Variants in SPIRE1 observed in about 807,000 individuals in gnomAD.
SPIRE1 encodes the protein protein spire homolog 1.
In SPIRE1, 40 loss-of-function variants were observed where a neutral mutation model predicts 94.1. That is an observed-to-expected ratio of 0.43 (90% confidence interval 0.33 to 0.55). The LOEUF is 0.55. Among genes scored for constraint, SPIRE1 ranks in the 20% least tolerant of loss-of-function variants. The pLI, the probability that SPIRE1 is intolerant of heterozygous loss-of-function variation, is 0.06. For synonymous variants in SPIRE1, 376 were observed against 371.7 expected, an observed-to-expected ratio of 1.01 and a Z score of -0.13; for missense variants, 838 against 975.2, an observed-to-expected ratio of 0.86 and a Z score of 1.87.
chr18:12,476,792 A>G (rs1222531869), intron 10 of SPIRE1, among the ~76,000 whole-genome samples: 5 of 151,926 alleles, frequency 3.3e-5, no homozygotes, highest in Non-Finnish European at 7.4e-5. Context: ...TCAATTTTAG[A>G]TTGAAGAGGA....
intron 2 of SPIRE1, among the ~76,000 whole-genome samples, chr18:12,574,937 G>C (rs563971972): frequency 1.3e-5 from 2 of 152,200 alleles, no homozygotes; most frequent in African/African-American, 4.8e-5. Flanking sequence ...TCTAGCACAC[G>C]TCCACTGGAT....
chr18:12,569,647 AAC>A (rs1397611668), intron 2 of SPIRE1, among the ~76,000 whole-genome samples: 5 of 151,734 alleles, frequency 3.3e-5, no homozygotes, highest in South Asian at 2.1e-4. Flanking sequence ...AAAAAAAAAA[AAC>A]AAGAGAAAAG....
intron 2 of SPIRE1, among the ~76,000 whole-genome samples, chr18:12,618,430 A>G (rs1167144560): frequency 1.3e-5 from 2 of 152,016 alleles, no homozygotes; most frequent in African/African-American, 2.4e-5. Flanking sequence ...TACCCACAGA[A>G]GCCAAGGCCA....
chr18:12,627,955 C>T (rs2037678121), intron 2 of SPIRE1, among the ~76,000 whole-genome samples: 1 of 151,886 alleles, frequency 6.6e-6, no homozygotes, highest in East Asian at 1.9e-4. Flanking sequence ...GGATATTAGC[C>T]CTTTGTCAGA....
At chr18:12,536,839 A>T (rs2144211523) in intron 3 of SPIRE1, among the ~76,000 whole-genome samples, 1 of 152,356 alleles carries the variant, frequency 6.6e-6, no homozygotes, top group South Asian at 2.1e-4. Context: ...CAATCATTAC[A>T]TTTTAAAGTA....
chr18:12,613,635 C>T (rs1274455973), intron 2 of SPIRE1, among the ~76,000 whole-genome samples: 1 of 152,194 alleles, frequency 6.6e-6, no homozygotes, highest in African/African-American at 2.4e-5. Flanking sequence ...CACGGTGGCT[C>T]ACACCTGTAA....
At chr18:12,574,239 A>T (rs1598485654) in intron 2 of SPIRE1, among the ~76,000 whole-genome samples, 1 of 152,238 alleles carries the variant, frequency 6.6e-6, no homozygotes, top group African/African-American at 2.4e-5. Context: ...AAAAGTATTA[A>T]TTTTTAAAAA....
At position 12,546,281 on chromosome 18, in the gene SPIRE1, G is replaced by A. The variant is rs145500160; in HGVS notation, c.603+393C>T. 2.1e-3 allele frequency among the ~76,000 whole-genome samples: 322 copies of A among 152,118 alleles called. 2 individuals are homozygous for A. Among genetic ancestry groups the A allele is most frequent in the African/African-American group, 7.0e-3 (290 of 41,534 alleles). ...TGGGATTACAGCCGTGAGCCATCGCGCCCAGCCTCGTTATTATTTTTAAAT... is the reference window on the plus strand; with the variant it reads ...TGGGATTACAGCCGTGAGCCATCGCACCCAGCCTCGTTATTATTTTTAAAT... On this transcript the variant is annotated intron_variant, in intron 3 of 16. Transcript: ENST00000409402.
At chr18:12,468,039 T>C (rs907105709) in intron 10 of SPIRE1, among the ~76,000 whole-genome samples, 3 of 152,344 alleles carry the variant, frequency 2.0e-5, no homozygotes, top group Non-Finnish European at 2.9e-5. Context: ...ATCACGTTTC[T>C]TTACTCCAGG....
intron 8 of SPIRE1, among the ~76,000 whole-genome samples, chr18:12,491,382 G>T (rs758690836): frequency 2.6e-5 from 4 of 151,762 alleles, no homozygotes; most frequent in Non-Finnish European, 5.9e-5. Context: ...CACACTTTCT[G>T]ATCTTACAAT....
intron 2 of SPIRE1, among the ~76,000 whole-genome samples, chr18:12,565,259 A>G (rs527921087): frequency 1.6e-4 from 25 of 152,386 alleles, no homozygotes; most frequent in African/African-American, 6.0e-4. Context: ...CATGCAAGCA[A>G]GAAGAAAATG....
intron 6 of SPIRE1, 112 bp downstream of exon 6, chr18:12,506,365 G>C: frequency 2.2e-6 from 2 of 896,482 alleles, no homozygotes; most frequent in Non-Finnish European, 3.6e-6. Context: ...CACCATGTTG[G>C]TCAAGCTGGT....
intron 1 of SPIRE1, among the ~76,000 whole-genome samples, chr18:12,654,715 T>A (rs914897576): frequency 6.6e-6 from 1 of 151,044 alleles, no homozygotes; most frequent in African/African-American, 2.4e-5. Context: ...GGAAGTCTCA[T>A]GAATACAAAC....
upstream of SPIRE1, among the ~76,000 whole-genome samples, chr18:12,660,670 GTGA>G (rs1364982064): frequency 5.9e-5 from 9 of 152,152 alleles, no homozygotes; most frequent in African/African-American, 2.2e-4. Context: ...TTTTCCTTGA[GTGA>G]TGATTTTTTT....
intron 8 of SPIRE1, among the ~76,000 whole-genome samples, chr18:12,490,910 T>TGC (rs1568204774): frequency 6.6e-6 from 1 of 152,128 alleles, no homozygotes; most frequent in Non-Finnish European, 1.5e-5. Flanking sequence ...TTCAACATAG[T>TGC]ACTGGTAGTT....
At chr18:12,538,933 C>T (rs1469431463) in intron 3 of SPIRE1, among the ~76,000 whole-genome samples, 3 of 152,182 alleles carry the variant, frequency 2.0e-5, no homozygotes, top group Non-Finnish European at 4.4e-5. Flanking sequence ...CCATCTCCTC[C>T]ACCATCATCA....
Position 12,527,281 on chromosome 18 carries a change from C to T in SPIRE1, c.729+8195G>A, listed in dbSNP as rs992511213. On this transcript the variant is annotated intron_variant, in intron 4 of 16. Coordinates refer to ENST00000409402, the MANE Select transcript of SPIRE1 (RefSeq NM_001128626.2). ...TTAAAAATTAGGTCTAATTTTAAGT[C>T]CTTTTATCATCACAGGCAGCTACTT... 5.3e-5 allele frequency among the ~76,000 whole-genome samples: 8 copies of T among 152,158 alleles called. No homozygotes were observed. The East Asian group carries it at 1.2e-3, about 22-fold the overall frequency.
At chr18:12,537,956 T>C (rs2034890825) in intron 3 of SPIRE1, among the ~76,000 whole-genome samples, 1 of 152,038 alleles carries the variant, frequency 6.6e-6, no homozygotes, top group Non-Finnish European at 1.5e-5. Context: ...ATGCAATCCC[T>C]AACAAAATCC....
chr18:12,556,307 A>C (rs1252654275), intron 2 of SPIRE1, among the ~76,000 whole-genome samples: 2 of 152,206 alleles, frequency 1.3e-5, no homozygotes, highest in African/African-American at 4.8e-5. Flanking sequence ...AGAAAAAAAA[A>C]ATCCTAAAAT....
Sources: gnomAD v4.1 joint callset for allele counts (sites outside exome capture counted in the v4.1 genomes callset) on GRCh38, gnomAD v4.1.1 for gene constraint, MANE v1.5 for transcripts, NCBI Gene and HGNC (gene_info 2026-07-23, HGNC 2026-07-21) for gene names.